Variants in BABAM2 observed in about 807,000 individuals in gnomAD.
The protein encoded by BABAM2 is BRISC and BRCA1 A complex member 2, also known as BRISC and BRCA1-A complex member 2.
Under a neutral mutation model 54.7 loss-of-function variants are expected in BABAM2, and 31 were observed. That is an observed-to-expected ratio of 0.57 (90% confidence interval 0.43 to 0.77). BABAM2 has a LOEUF of 0.77. Ranked by LOEUF, BABAM2 falls within the 30% of genes least tolerant of loss-of-function variation. The pLI is 0.00. For missense variants in BABAM2, 364 were observed against 455.8 expected, an observed-to-expected ratio of 0.80 and a Z score of 1.83; for synonymous variants, 167 against 162.9, an observed-to-expected ratio of 1.03 and a Z score of -0.19.
rs549140915 is a variant in BABAM2 at position 28,311,004 on chromosome 2, G to A, written c.1088+12513G>A. Among the ~76,000 whole-genome samples the A allele has an allele frequency of 1.7e-4, 26 of 152,254 alleles. No homozygotes were observed. The South Asian group carries it at 4.6e-3, about 27-fold the overall frequency. ...GGGCTGGGCGCGGTGGCTCACGCCT[G>A]TAATCCCAGCACTTTGGGAGGCCGA... On this transcript the variant is annotated intron_variant, in intron 11 of 11. Coordinates refer to ENST00000379624, the MANE Select transcript of BABAM2 (RefSeq NM_199191.3).
chr2:28,184,334 AT>A (rs1005157537), intron 7 of BABAM2, among the ~76,000 whole-genome samples: 8 of 127,130 alleles, frequency 6.3e-5, no homozygotes, highest in East Asian at 2.5e-4. Flanking sequence ...CTCTCCAGGT[AT>A]TTTTTTTAAA....
intron 10 of BABAM2, among the ~76,000 whole-genome samples, chr2:28,286,146 G>A (rs1686785878): frequency 6.6e-6 from 1 of 151,892 alleles, no homozygotes; most frequent in Admixed American, 6.6e-5. Context: ...ATTAGAAACA[G>A]GGTTTCACCA....
intron 6 of BABAM2, among the ~76,000 whole-genome samples, chr2:28,092,487 G>A (rs1666235409): frequency 6.6e-6 from 1 of 152,114 alleles, no homozygotes; most frequent in South Asian, 2.1e-4. Context: ...GCATCAAAAA[G>A]CATAAAATAT....
intron 11 of BABAM2, among the ~76,000 whole-genome samples, chr2:28,307,403 GT>G (rs531852080): frequency 2.6e-3 from 367 of 142,352 alleles, no homozygotes; most frequent in Admixed American, 9.1e-3. Flanking sequence ...TTTGGTTTGG[GT>G]TTTTTTTTTT....
intron 2 of BABAM2, 80 bp downstream of exon 2, chr2:27,894,764 C>T: frequency 6.5e-7 from 1 of 1,540,850 alleles, no homozygotes; most frequent in African/African-American, 1.4e-5. Context: ...TTACCAGACT[C>T]ATAAAAATTG....
At chr2:27,963,682 A>G (rs948502929) in intron 3 of BABAM2, among the ~76,000 whole-genome samples, 6 of 152,116 alleles carry the variant, frequency 3.9e-5, no homozygotes, top group Non-Finnish European at 8.8e-5. Context: ...AAATTTAACA[A>G]TTTCCCTCTG....
intron 6 of BABAM2, among the ~76,000 whole-genome samples, chr2:28,112,531 A>G (rs754731816): frequency 1.4e-4 from 21 of 152,176 alleles, no homozygotes; most frequent in Non-Finnish European, 2.5e-4. Flanking sequence ...TGCAAAGGAC[A>G]TGAACTCATC....
intron 6 of BABAM2, among the ~76,000 whole-genome samples, chr2:28,070,178 T>G (rs149023463): frequency 6.6e-6 from 1 of 152,374 alleles, no homozygotes; most frequent in East Asian, 1.9e-4. Context: ...TCATTAAACC[T>G]AACTATAATC....
At chr2:28,291,075 A>G (rs980525160) in intron 10 of BABAM2, among the ~76,000 whole-genome samples, 8 of 152,224 alleles carry the variant, frequency 5.3e-5, no homozygotes, top group Non-Finnish European at 8.8e-5. Context: ...AACAAACACT[A>G]TGAGATAGAA....
chr2:28,151,181 G>T (rs1473442942), intron 7 of BABAM2, among the ~76,000 whole-genome samples: 1 of 152,172 alleles, frequency 6.6e-6, no homozygotes, highest in African/African-American at 2.4e-5. Context: ...TATACCTGCA[G>T]CTCTTTTTGC....
At chr2:27,922,846 G>A (rs1413576284) in intron 2 of BABAM2, among the ~76,000 whole-genome samples, 1 of 152,136 alleles carries the variant, frequency 6.6e-6, no homozygotes, top group Non-Finnish European at 1.5e-5. Flanking sequence ...TAAATTAAAA[G>A]TGATTCAATT....
At chr2:28,016,373 G>T in intron 4 of BABAM2, 3 of 1,359,128 alleles carry the variant, frequency 2.2e-6, no homozygotes, top group Non-Finnish European at 2.1e-6. Flanking sequence ...GGTAGGCCTT[G>T]ATCGATTCAG....
chr2:28,230,630 G>A lies in BABAM2; in HGVS notation c.681-6572G>A, dbSNP rs1196588572. On this transcript the variant is annotated intron_variant, in intron 7 of 11. Coordinates refer to ENST00000379624, the MANE Select transcript of BABAM2 (RefSeq NM_199191.3). ...TTCCAGCTACTCAGGAGGCTGAGCT[G>A]GGAGGATCACCTGAGCCTGGGAAGT... 4.0e-5 allele frequency among the ~76,000 whole-genome samples: 6 copies of A among 151,590 alleles called. No homozygotes were observed. The East Asian group carries it at 1.2e-3, about 29-fold the overall frequency.
At chr2:27,963,974 C>T (rs967906381) in intron 3 of BABAM2, among the ~76,000 whole-genome samples, 1 of 152,068 alleles carries the variant, frequency 6.6e-6, no homozygotes, top group Non-Finnish European at 1.5e-5. Context: ...GAGTAAAGTC[C>T]ATTGCTATGG....
intron 7 of BABAM2, among the ~76,000 whole-genome samples, chr2:28,195,163 T>C (rs572725864): frequency 1.3e-5 from 2 of 152,154 alleles, no homozygotes; most frequent in African/African-American, 2.4e-5. Context: ...CAGTGCTACA[T>C]TGGCATTGGG....
At chr2:28,176,163 G>GA (rs1323730529) in intron 7 of BABAM2, among the ~76,000 whole-genome samples, 4 of 152,042 alleles carry the variant, frequency 2.6e-5, no homozygotes, top group Admixed American at 6.5e-5. Context: ...CATGAAATGT[G>GA]AAAAAACAAG....
At chr2:27,916,138 C>A (rs188375966) in intron 2 of BABAM2, among the ~76,000 whole-genome samples, 48 of 152,216 alleles carry the variant, frequency 3.2e-4, no homozygotes, top group Admixed American at 9.8e-4. Context: ...GGTAAATACT[C>A]CTTAGGCCTT....
At position 27,982,890 on chromosome 2, in the gene BABAM2, T is replaced by C. The variant is rs1672126667; in HGVS notation, c.206-5103T>C. 2.0e-5 allele frequency among the ~76,000 whole-genome samples: 3 copies of C among 149,910 alleles called. No homozygotes were observed. The South Asian group carries it at 6.3e-4, about 31-fold the overall frequency. ...ACACACACACACACACACATATATG[T>C]CACATTTGGTTTATCCATTCATCTG... On this transcript the variant is annotated intron_variant, in intron 3 of 11. Coordinates refer to ENST00000379624, the MANE Select transcript of BABAM2 (RefSeq NM_199191.3).
At chr2:28,025,589 A>G (rs764824179) in intron 5 of BABAM2, 169 bp downstream of exon 5, 18 of 614,094 alleles carry the variant, frequency 2.9e-5, no homozygotes, top group Non-Finnish European at 4.6e-5. Context: ...TGTCTAGTTC[A>G]TTGTGTTTCT....
Sources: gnomAD v4.1 joint callset for allele counts (sites outside exome capture counted in the v4.1 genomes callset) on GRCh38, gnomAD v4.1.1 for gene constraint, MANE v1.5 for transcripts, NCBI Gene and HGNC (gene_info 2026-07-23, HGNC 2026-07-21) for gene names.